The following LSAMP variants were observed in gnomAD, a reference collection of about 807,000 sequenced individuals.
LSAMP encodes the protein limbic system associated membrane protein.
LSAMP carries 7 observed loss-of-function variants against 38.6 expected under a neutral mutation model. The ratio of observed to expected loss-of-function variants is 0.18; its 90% confidence interval spans 0.10 to 0.34. The LOEUF (loss-of-function observed/expected upper bound fraction) is 0.34. Ranked by LOEUF, LSAMP falls within the 10% of genes least tolerant of loss-of-function variation. LSAMP has a pLI of 1.00. For missense variants in LSAMP, 313 were observed against 420.0 expected, an observed-to-expected ratio of 0.75 and a Z score of 2.23; for synonymous variants, 154 against 166.8, an observed-to-expected ratio of 0.92 and a Z score of 0.59.
chr3:115,834,606 G>A (rs1275580257), intron 6 of LSAMP: 1 of 1,225,722 alleles, frequency 8.2e-7, no homozygotes, highest in Non-Finnish European at 1.0e-6. Flanking sequence ...TTCTAAAGGG[G>A]AAAAAATAGT....
At chr3:116,146,516 T>A (rs893381952) in intron 1 of LSAMP, among the ~76,000 whole-genome samples, 2 of 151,944 alleles carry the variant, frequency 1.3e-5, no homozygotes, top group African/African-American at 4.8e-5. Flanking sequence ...TGTTGACACC[T>A]TTTAGAAAAA....
intron 1 of LSAMP, among the ~76,000 whole-genome samples, chr3:116,155,636 T>C (rs1469812144): frequency 9.5e-6 from 1 of 105,366 alleles, no homozygotes; most frequent in African/African-American, 2.9e-5. Context: ...TGTGTGTGTG[T>C]ATATGTGTGT....
intron 1 of LSAMP, among the ~76,000 whole-genome samples, chr3:116,204,591 A>G (rs1415455408): frequency 6.6e-6 from 1 of 151,882 alleles, no homozygotes; most frequent in Non-Finnish European, 1.5e-5. Flanking sequence ...AGGTGTAAGG[A>G]AGGGATCCAG....
At chr3:116,030,961 G>A (rs954566260) in intron 2 of LSAMP, among the ~76,000 whole-genome samples, 2 of 151,894 alleles carry the variant, frequency 1.3e-5, no homozygotes, top group Admixed American at 6.6e-5. Context: ...CATGTCATGG[G>A]CAACCAAAAT....
chr3:116,183,498 A>G (rs1358156215), intron 1 of LSAMP, among the ~76,000 whole-genome samples: 1 of 151,830 alleles, frequency 6.6e-6, no homozygotes, highest in African/African-American at 2.4e-5. Context: ...CTTGAAGTAG[A>G]TAGAAATGGG....
intron 3 of LSAMP, among the ~76,000 whole-genome samples, chr3:115,884,815 A>G (rs1559866497): frequency 6.6e-6 from 1 of 152,080 alleles, no homozygotes; most frequent in Admixed American, 6.6e-5. Flanking sequence ...CAATAACATA[A>G]AAAAGAATAA....
chr3:116,221,045 T>C (rs1048427086), intron 1 of LSAMP, among the ~76,000 whole-genome samples: 12 of 147,836 alleles, frequency 8.1e-5, no homozygotes, highest in Non-Finnish European at 1.8e-4. Context: ...CCCAGCTACT[T>C]GCGAGGGTGA....
At chr3:115,908,158 C>T (rs530474849) in intron 3 of LSAMP, among the ~76,000 whole-genome samples, 1 of 151,962 alleles carries the variant, frequency 6.6e-6, no homozygotes, top group South Asian at 2.1e-4. Context: ...TTTATTTATG[C>T]CGTTTCATCT....
rs545672448 is a variant in LSAMP at position 116,164,227 on chromosome 3, T to G, written c.156-77671A>C. Among the ~76,000 whole-genome samples the G allele has an allele frequency of 2.0e-5, 3 of 152,180 alleles. No individual in the cohort carries two copies. In the East Asian group the frequency reaches 5.8e-4, roughly 29 times the overall value. Reference sequence around the variant, plus strand: ...TGCAGTTAGAAAGAAGTGTCTGGTTTCCACAGTTAGATTATTTAACACTCA... The same window carrying G: ...TGCAGTTAGAAAGAAGTGTCTGGTTGCCACAGTTAGATTATTTAACACTCA... On this transcript the variant is annotated intron_variant, in intron 1 of 6. Transcript: ENST00000490035.
intron 3 of LSAMP, among the ~76,000 whole-genome samples, chr3:115,863,731 T>C (rs1052866954): frequency 6.6e-6 from 1 of 151,980 alleles, no homozygotes. Context: ...ATAGATTATA[T>C]ATATATTACC....
chr3:116,232,612 A>G (rs1413040459), intron 1 of LSAMP, among the ~76,000 whole-genome samples: 1 of 152,044 alleles, frequency 6.6e-6, no homozygotes, highest in South Asian at 2.1e-4. Context: ...TGGAAAATCA[A>G]TCCTACCTCC....
chr3:116,439,321 T>TTG (rs1553736601), intron 1 of LSAMP, among the ~76,000 whole-genome samples: 12 of 150,934 alleles, frequency 8.0e-5, no homozygotes, highest in African/African-American at 1.2e-4. Context: ...ATTTTGTTGT[T>TTG]TTTTTTTTTT....
At chr3:116,044,969 C>T (rs2107723844) in intron 2 of LSAMP, among the ~76,000 whole-genome samples, 2 of 152,238 alleles carry the variant, frequency 1.3e-5, no homozygotes, top group East Asian at 3.9e-4. Context: ...ACAAAAAAAC[C>T]CAGGCTGCCA....
intron 3 of LSAMP, among the ~76,000 whole-genome samples, chr3:115,949,393 TTTTG>T (rs1444856762): frequency 1.1e-4 from 16 of 147,422 alleles, no homozygotes; most frequent in Admixed American, 9.1e-4. Context: ...AAAATAGTTT[TTTTG>T]TTTTATTTAT....
At chr3:116,203,670 G>T (rs1300787892) in intron 1 of LSAMP, among the ~76,000 whole-genome samples, 1 of 150,908 alleles carries the variant, frequency 6.6e-6, no homozygotes, top group Non-Finnish European at 1.5e-5. Flanking sequence ...TTGTTCTTGC[G>T]ATAGTTTACT....
At chr3:116,436,243 A>T (rs1210103645) in intron 1 of LSAMP, among the ~76,000 whole-genome samples, 9 of 152,228 alleles carry the variant, frequency 5.9e-5, no homozygotes, top group African/African-American at 1.2e-4. Context: ...AGCTACAAAA[A>T]TTCTAGAAGG....
chr3:115,854,002 A>C (rs975374459), intron 3 of LSAMP, among the ~76,000 whole-genome samples: 3 of 152,150 alleles, frequency 2.0e-5, no homozygotes, highest in Non-Finnish European at 4.4e-5. Context: ...AAACCTGTTA[A>C]CTAGGCTTCC....
chr3:116,246,159 C>T (rs1440812355), intron 1 of LSAMP, among the ~76,000 whole-genome samples: 3 of 152,170 alleles, frequency 2.0e-5, no homozygotes, highest in Admixed American at 6.5e-5. Flanking sequence ...AAAGTCGATG[C>T]TCCCTTTATG....
intron 2 of LSAMP, among the ~76,000 whole-genome samples, chr3:116,078,536 C>A (rs1178672390): frequency 6.6e-6 from 1 of 152,048 alleles, no homozygotes; most frequent in African/African-American, 2.4e-5. Context: ...CCGTGTTAGC[C>A]AGGATGGTCT....
Sources: gnomAD v4.1 joint callset for allele counts (sites outside exome capture counted in the v4.1 genomes callset) on GRCh38, gnomAD v4.1.1 for gene constraint, MANE v1.5 for transcripts, NCBI Gene and HGNC (gene_info 2026-07-23, HGNC 2026-07-21) for gene names.